ATXN2L: variants seen among roughly 807,000 people sequenced by gnomAD.
The protein encoded by ATXN2L is ataxin-2-like protein.
ATXN2L carries 24 observed loss-of-function variants against 120.7 expected under a neutral mutation model. The ratio of observed to expected loss-of-function variants is 0.20; its 90% CI spans 0.14 to 0.28. The LOEUF is 0.28. Ranked by LOEUF, ATXN2L falls within the 10% of genes least tolerant of loss-of-function variation. ATXN2L has a pLI of 1.00. For missense variants in ATXN2L, 1,312 were observed against 1,432.3 expected (o/e 0.92, Z 1.36); for synonymous variants, 653 against 568.1 (o/e 1.15, Z -2.13).
rs1567403463 is a variant in ATXN2L at position 28,826,852 on chromosome 16, G to GC, written c.617-5dup. 2 of 1,564,110 alleles carry GC rather than the reference G, an allele frequency of 1.3e-6. No individual in the cohort carries two copies. Among genetic ancestry groups the GC allele is most frequent in the Admixed American group, 1.8e-5 (1 of 54,840 alleles). On this transcript the variant is annotated splice_polypyrimidine_tract_variant and intron_variant, in intron 5 of 21. Coordinates refer to ENST00000336783, the MANE Select transcript of ATXN2L (RefSeq NM_007245.4). Reference sequence around the variant, plus strand: ...AGCCTGACTCCTGATCTTCACCTCTGCCCCCACAGACAAGTTCACCGATTC... The same window carrying GC: ...AGCCTGACTCCTGATCTTCACCTCTGCCCCCCACAGACAAGTTCACCGATTC...
intron 12 of ATXN2L, 72 bp from the exon 13 acceptor site, chr16:28,832,745 C>A: frequency 1.3e-6 from 2 of 1,514,004 alleles, no homozygotes; most frequent in South Asian, 1.1e-5. Context: ...GTCCTCTGTT[C>A]TTTTGGCACT....
rs1230024565 is a variant in ATXN2L at position 28,836,792 on chromosome 16, G to A, written c.*527G>A. ...CGGGGAACTGAAGATTGTCCTGGCCGCGACCTGAGACCTCCATGAGTGGAG... is the reference window on the plus strand; with the variant it reads ...CGGGGAACTGAAGATTGTCCTGGCCACGACCTGAGACCTCCATGAGTGGAG... On this transcript the variant is annotated 3_prime_UTR_variant, in exon 22 of 22. Coordinates refer to ENST00000336783, the MANE Select transcript of ATXN2L (RefSeq NM_007245.4). 4.3e-6 allele frequency: 7 copies of A among 1,613,698 alleles called. No homozygotes were observed. The highest frequency in any genetic ancestry group is 2.7e-5 in the African/African-American group (2 of 74,822).
At chr16:28,832,969 G>A in intron 13 of ATXN2L, 82 bp downstream of exon 13, 1 of 1,591,984 alleles carries the variant, frequency 6.3e-7, no homozygotes, top group Non-Finnish European at 8.6e-7. Flanking sequence ...CTAGATAGGA[G>A]TCAAAGAGAT....
Position 28,823,457 on chromosome 16 carries a change from G to C in ATXN2L, c.198G>C (p.Gly66=). 1 of 1,333,570 alleles carries C rather than the reference G, an allele frequency of 7.5e-7. No individual in the cohort carries two copies. Among genetic ancestry groups the C allele is most frequent in the Non-Finnish European group, 9.5e-7 (1 of 1,048,086 alleles). 82.6% of individuals were successfully genotyped at this position (1,333,570 alleles called of 1,614,324 possible). A position where few individuals can be genotyped will look rare whatever the true frequency, so the allele number is the denominator to read the frequency against. ...GCCTGGGGCCTGTGGCCGCTGCCGG[G>C]AGCGGGCTCCGCCGGGGAGCCGAAG... The part of the protein sequence containing the change: ...SPCLGPVAAA[G]SGLRRGAEGI... The change falls in exon 1 of 22, where the codon GGG becomes GGC. Residue 66 remains glycine (G), a synonymous_variant. Transcript: ENST00000336783.
At chr16:28,825,733 T>C (rs1200805597) in intron 3 of ATXN2L, 37 bp from the exon 4 acceptor site, 1 of 1,613,444 alleles carries the variant, frequency 6.2e-7, no homozygotes, top group South Asian at 1.1e-5. Flanking sequence ...GCATCTACTT[T>C]CTGGAGACAC....
chr16:28,824,687 C>G (rs1030819977), intron 1 of ATXN2L: 2 of 825,552 alleles, frequency 2.4e-6, no homozygotes, highest in Non-Finnish European at 3.2e-6. Context: ...TAGGTAGTTC[C>G]AAAGCTGCAC....
chr16:28,827,587 T>A (rs1378117451), intron 6 of ATXN2L, among the ~76,000 whole-genome samples: 1 of 151,234 alleles, frequency 6.6e-6, no homozygotes. Context: ...TAAAATCTCA[T>A]GAGGCTGAGC....
intron 11 of ATXN2L, 35 bp from the exon 12 acceptor site, chr16:28,832,461 G>A (rs1390402748): frequency 6.2e-7 from 1 of 1,612,884 alleles, no homozygotes; most frequent in East Asian, 2.2e-5. Flanking sequence ...GTTCTGGACA[G>A]AAGGACCTTT....
chr16:28,835,577 G>A lies in ATXN2L; in HGVS notation c.2714G>A (p.Gly905Asp). ...CAGGCGGGGCAGGCCCCACACTTGG[G>A]CAGTGGACAGCCACAGCAGAATCTG... ...QHQAGQAPHLGSGQPQQNLYH... is the reference protein window; with the variant it reads ...QHQAGQAPHLDSGQPQQNLYH... The change falls in exon 21 of 22, where the codon GGC becomes GAC. Residue 905 changes from glycine (G) to aspartate (D), a missense_variant. Transcript: ENST00000336783. 1.2e-6 allele frequency: 2 copies of A among 1,613,790 alleles called. No individual in the cohort carries two copies. The highest frequency in any genetic ancestry group is 1.1e-5 in the South Asian group (1 of 91,062).
chr16:28,824,033 G>A, intron 1 of ATXN2L: 1 of 921,112 alleles, frequency 1.1e-6, no homozygotes, highest in Non-Finnish European at 1.3e-6. Context: ...GCGGGTTGCT[G>A]CCTCCCCCTT....
intron 6 of ATXN2L, among the ~76,000 whole-genome samples, chr16:28,827,639 A>C (rs1326374365): frequency 6.6e-6 from 1 of 152,194 alleles, no homozygotes; most frequent in Non-Finnish European, 1.5e-5. Flanking sequence ...TGGGAGGCCA[A>C]GGCAGGAGCT....
In ATXN2L at chr16:28,834,324, T is replaced by C; in HGVS notation, c.2173-19T>C. 2 of 1,613,394 alleles carry C rather than the reference T, an allele frequency of 1.2e-6. No homozygotes were observed. Among genetic ancestry groups the C allele is most frequent in the Non-Finnish European group, 1.7e-6 (2 of 1,179,330 alleles). The stretch of plus-strand genomic sequence containing the variant: ...TTCGTGAGCGAGTCATTCAGCCTCA[T>C]CTGTGTCCTCATCCCCAGGCACCTC... On this transcript the variant is annotated intron_variant, in intron 16 of 21. Coordinates refer to ENST00000336783, the MANE Select transcript of ATXN2L (RefSeq NM_007245.4).
chr16:28,823,547 CG>C lies in ATXN2L; in HGVS notation c.290del (p.Gly97AlafsTer41). The C allele has an allele frequency of 7.4e-7, 1 of 1,357,996 alleles. No homozygotes were observed. The highest frequency in any genetic ancestry group is 9.4e-7 in the Non-Finnish European group (1 of 1,058,258). The allele number at this position is 1,357,996 out of a possible 1,614,324, so 84.1% of individuals were successfully genotyped here. ...AGGAGAGGCCGGGGGCAGCCGCCAT[CG>C]GCAGCGCCAGGTGAGAAGGGTGGGC... ...HQERPGAAAI[G>X]SARGQSTGKG... On this transcript the variant is annotated frameshift_variant, in exon 1 of 22. Coordinates refer to ENST00000336783, the MANE Select transcript of ATXN2L (RefSeq NM_007245.4). LOFTEE classifies it high-confidence loss of function.
In ATXN2L at chr16:28,823,059, C is replaced by A. The variant is rs1471579300; in HGVS notation, c.-201C>A. Reference sequence around the variant, plus strand: ...TCTCGCTTTCCTCCAGCCGCGAGACCCCCTCCCCTTCCGCCTCGCGGCGCT... The same window carrying A: ...TCTCGCTTTCCTCCAGCCGCGAGACACCCTCCCCTTCCGCCTCGCGGCGCT... On this transcript the variant is annotated 5_prime_UTR_variant, in exon 1 of 22. Coordinates refer to ENST00000336783, the MANE Select transcript of ATXN2L (RefSeq NM_007245.4). 1 of 348,078 alleles carries A rather than the reference C, an allele frequency of 2.9e-6. No individual in the cohort carries two copies. Among genetic ancestry groups the A allele is most frequent in the African/African-American group, 2.2e-5 (1 of 46,088 alleles). 21.6% of individuals were successfully genotyped at this position (348,078 alleles called of 1,614,324 possible).
Position 28,823,399 on chromosome 16 carries a change from C to A in ATXN2L, c.140C>A (p.Ala47Asp). 7.5e-7 allele frequency: 1 copy of A among 1,328,316 alleles called. No individual in the cohort carries two copies. The highest frequency in any genetic ancestry group is 3.0e-5 in the East Asian group (1 of 33,470). The allele number at this position is 1,328,316 out of a possible 1,614,324, so 82.3% of individuals were successfully genotyped here. Residue 47 changes from alanine to aspartate, a missense_variant, in exon 1 of 22, where the codon GCT (alanine) becomes GAT (aspartate). Transcript: ENST00000336783. ...GLPGPLATSA[A>D]PPGPPAAASP... ...CCGGGGCCGCTGGCCACCTCTGCGG[C>A]TCCTCCCGGGCCTCCAGCGGCCGCC...
chr16:28,830,864 G>A (rs1297187678), intron 9 of ATXN2L, 74 bp downstream of exon 9: 5 of 1,528,126 alleles, frequency 3.3e-6, no homozygotes, highest in South Asian at 1.2e-5. Context: ...AATTGGAGGG[G>A]TTTGGGTGTG....
At position 28,834,208 on chromosome 16, in the gene ATXN2L, G is replaced by A. The variant is rs1397149834; in HGVS notation, c.2169G>A (p.Val723=). 1.2e-6 allele frequency: 2 copies of A among 1,613,304 alleles called. No individual in the cohort carries two copies. The highest frequency in any genetic ancestry group is 2.7e-5 in the African/African-American group (2 of 74,894). ...YIPQIHMGPA[V]QAPQMYPYPV... ...CTCAGATCCACATGGGACCAGCTGT[G>A]CAGGTATGCAGAGAGACTGGCCGGG... Residue 723 remains valine (V), a synonymous_variant, in exon 16 of 22, where the codon GTG becomes GTA. Transcript: ENST00000336783.
In ATXN2L at chr16:28,835,170, C is replaced by T. The variant is rs1244840504; in HGVS notation, c.2546C>T (p.Thr849Ile). Residue 849 changes from threonine to isoleucine, a missense_variant, in exon 19 of 22, where the codon ACC (threonine) becomes ATC (isoleucine). Thr to Ile is a moderately conservative substitution (Grantham distance 89). Coordinates refer to ENST00000336783, the MANE Select transcript of ATXN2L (RefSeq NM_007245.4). ...CAGTACCCTTCTGCAGAGCAGCCTA[C>T]CCCCCAAGCCCTTTATGGTGAGTCC... The part of the protein sequence containing the change: ...TPQYPSAEQP[T>I]PQALYATVHQ... 5.0e-6 allele frequency: 8 copies of T among 1,611,806 alleles called. No individual in the cohort carries two copies. The highest frequency in any genetic ancestry group is 1.1e-5 in the South Asian group (1 of 90,736).
chr16:28,825,702 G>C (rs770381516), intron 3 of ATXN2L, 22 bp downstream of exon 3: 7 of 1,613,744 alleles, frequency 4.3e-6, no homozygotes, highest in African/African-American at 2.7e-5. Flanking sequence ...CTTAACCCCC[G>C]GGTTGTTTAA....
Sources: allele counts gnomAD v4.1 joint callset (sites outside exome capture counted in the v4.1 genomes callset), GRCh38; gene constraint gnomAD v4.1.1; transcripts MANE v1.5; gene names NCBI Gene and HGNC (gene_info 2026-07-23, HGNC 2026-07-21).